Variants in FAM81A observed in about 807,000 individuals in gnomAD.
The protein encoded by FAM81A is family with sequence similarity 81 member A.
In FAM81A, 19 loss-of-function variants were observed where a neutral mutation model predicts 46.7. The observed-to-expected ratio is 0.41, with a 90% CI of 0.28 to 0.60. The LOEUF is 0.60. Ranked by LOEUF, FAM81A falls within the 20% of genes least tolerant of loss-of-function variation. FAM81A has a pLI of 0.34. For missense variants in FAM81A, 377 were observed against 453.5 expected, an observed-to-expected ratio of 0.83 and a Z score of 1.53; for synonymous variants, 183 against 152.9, an observed-to-expected ratio of 1.20 and a Z score of -1.45.
chr15:59,438,552 G>T (rs747734395), intron 1 of FAM81A: 175 of 152,476 alleles, frequency 1.1e-3, no homozygotes, highest in Non-Finnish European at 1.9e-3. Flanking sequence ...GGGACTGTTT[G>T]GGGGAGCTGG....
chr15:59,431,892 G>T (rs2081222044), intron 2 of FAM81A, among the ~76,000 whole-genome samples: 1 of 152,230 alleles, frequency 6.6e-6, no homozygotes, highest in Non-Finnish European at 1.5e-5. Context: ...GTGCCTGGTA[G>T]AGAATCCTGC....
upstream of FAM81A, among the ~76,000 whole-genome samples, chr15:59,434,008 A>G (rs1417036441): frequency 6.6e-6 from 1 of 152,160 alleles, no homozygotes; most frequent in East Asian, 1.9e-4. Context: ...GGCACCTGCC[A>G]CCATGCCCGG....
chr15:59,440,308 C>G (rs1215219141), intron 1 of FAM81A, among the ~76,000 whole-genome samples: 1 of 152,012 alleles, frequency 6.6e-6, no homozygotes, highest in Non-Finnish European at 1.5e-5. Flanking sequence ...CTAAAAATCC[C>G]TACTTTAAAA....
At chr15:59,431,295 C>T (rs1007321901) in intron 2 of FAM81A, among the ~76,000 whole-genome samples, 3 of 151,806 alleles carry the variant, frequency 2.0e-5, no homozygotes, top group South Asian at 2.1e-4. Flanking sequence ...AGTGCAGTGG[C>T]GCAATCTCAG....
At chr15:59,468,467 T>C (rs1011903486) in intron 3 of FAM81A, among the ~76,000 whole-genome samples, 17 of 152,234 alleles carry the variant, frequency 1.1e-4, no homozygotes, top group Non-Finnish European at 2.4e-4. Flanking sequence ...ATTTATCCAT[T>C]TCTTCTAGAT....
At chr15:59,477,673 A>G (rs2141700649) in intron 3 of FAM81A, among the ~76,000 whole-genome samples, 1 of 152,342 alleles carries the variant, frequency 6.6e-6, no homozygotes, top group East Asian at 1.9e-4. Context: ...AAGACATAGT[A>G]GGAGCTCAAT....
At chr15:59,454,328 A>G (rs1262819806) in intron 1 of FAM81A, among the ~76,000 whole-genome samples, 1 of 152,166 alleles carries the variant, frequency 6.6e-6, no homozygotes, top group Non-Finnish European at 1.5e-5. Context: ...AAAAATTATC[A>G]TTTTAATTTA....
intron 1 of FAM81A, chr15:59,401,105 A>C: frequency 1.7e-6 from 1 of 596,990 alleles, no homozygotes; most frequent in Non-Finnish European, 3.1e-6. Context: ...CAATTTAATA[A>C]ATCTCTTGAT....
At chr15:59,407,888 G>T in intron 2 of FAM81A, 1 of 194,720 alleles carries the variant, frequency 5.1e-6, no homozygotes, top group East Asian at 1.6e-4. Flanking sequence ...TAGCTCTTTG[G>T]GGGTCCAAGG....
intron 4 of FAM81A, among the ~76,000 whole-genome samples, chr15:59,493,857 G>A (rs2082006771): frequency 6.6e-6 from 1 of 152,048 alleles, no homozygotes; most frequent in Non-Finnish European, 1.5e-5. Context: ...AAGAGTGCTG[G>A]GATTACAGGT....
chr15:59,486,512 AT>A (rs1341712955), intron 3 of FAM81A, among the ~76,000 whole-genome samples: 1 of 152,176 alleles, frequency 6.6e-6, no homozygotes, highest in African/African-American at 2.4e-5. Context: ...AACAAAAGAT[AT>A]CAAAATTCAA....
intron 2 of FAM81A, 67 bp downstream of exon 2, chr15:59,458,713 T>G: frequency 6.9e-7 from 1 of 1,452,000 alleles, no homozygotes; most frequent in Non-Finnish European, 9.7e-7. Flanking sequence ...AAATCAAAGC[T>G]TGGGCTGTTA....
chr15:59,481,902 A>G (rs1368531230), intron 3 of FAM81A, among the ~76,000 whole-genome samples: 1 of 151,776 alleles, frequency 6.6e-6, no homozygotes, highest in East Asian at 1.9e-4. Flanking sequence ...TATTTTTAAT[A>G]TTATAGATTT....
chr15:59,512,151 A>T (rs2082217224), intron 6 of FAM81A, among the ~76,000 whole-genome samples: 1 of 152,156 alleles, frequency 6.6e-6, no homozygotes. Context: ...GAAAACTCAC[A>T]CTTTAGTACG....
chr15:59,475,485 A>AATTTTTAATTTCT (rs2081755130), intron 3 of FAM81A, among the ~76,000 whole-genome samples: 1 of 152,134 alleles, frequency 6.6e-6, no homozygotes, highest in African/African-American at 2.4e-5. Flanking sequence ...AAAATTTACA[A>AATTTTTAATTTCT]TGCAGTGAGA....
chr15:59,442,851 A>G (rs911354577), intron 1 of FAM81A, among the ~76,000 whole-genome samples: 4 of 152,126 alleles, frequency 2.6e-5, no homozygotes, highest in Non-Finnish European at 4.4e-5. Context: ...ACACAAGTGC[A>G]TATGTTGTCA....
At chr15:59,440,246 G>C (rs1380948613) in intron 1 of FAM81A, 1 of 151,850 alleles carries the variant, frequency 6.6e-6, no homozygotes, top group South Asian at 2.1e-4. Flanking sequence ...GACTCTCTCA[G>C]ATATACCAAA....
intron 1 of FAM81A, chr15:59,401,553 C>G: frequency 1.3e-6 from 1 of 765,754 alleles, no homozygotes; most frequent in Middle Eastern, 2.4e-4. Context: ...ACATTAGTAA[C>G]CACCCTCTTC....
intron 1 of FAM81A, among the ~76,000 whole-genome samples, chr15:59,450,112 T>C (rs2081401423): frequency 6.7e-6 from 1 of 148,836 alleles, no homozygotes; most frequent in South Asian, 2.1e-4. Context: ...TCTTTTTTTT[T>C]TTTTTTTAAT....
Sources: gnomAD v4.1 joint callset for allele counts (sites outside exome capture counted in the v4.1 genomes callset) on GRCh38, gnomAD v4.1.1 for gene constraint, MANE v1.5 for transcripts, NCBI Gene and HGNC (gene_info 2026-07-23, HGNC 2026-07-21) for gene names.